Variants in SNX24 observed in about 807,000 individuals in gnomAD.
SNX24 encodes the protein sorting nexin-24.
SNX24 carries 22 observed loss-of-function variants against 28.7 expected under a neutral mutation model. That is an observed-to-expected ratio of 0.77 (90% CI 0.55 to 1.10). The LOEUF (loss-of-function observed/expected upper bound fraction) is 1.10. Ranked by LOEUF, SNX24 falls within the 50% of genes least tolerant of loss-of-function variation. The pLI, the probability that SNX24 is intolerant of heterozygous loss-of-function variation, is 0.00. For synonymous variants in SNX24, 69 were observed against 71.5 expected (o/e 0.96, Z 0.18); for missense variants, 221 against 201.1 (o/e 1.10, Z -0.60).
chr5:122,988,859 T>C (rs1323765538), intron 3 of SNX24, among the ~76,000 whole-genome samples: 1 of 152,184 alleles, frequency 6.6e-6, no homozygotes, highest in Non-Finnish European at 1.5e-5. Flanking sequence ...CCTTTTCTTT[T>C]TATAGACTGT....
At chr5:122,917,273 A>G (rs959259239) in intron 1 of SNX24, among the ~76,000 whole-genome samples, 1 of 151,592 alleles carries the variant, frequency 6.6e-6, no homozygotes. Context: ...AAAAAAAAGA[A>G]AGAAAAAAAA....
chr5:123,014,131 C>T (rs541063542), downstream of SNX24, among the ~76,000 whole-genome samples: 2 of 152,110 alleles, frequency 1.3e-5, no homozygotes, highest in East Asian at 1.9e-4. Flanking sequence ...AAAGCTTGGG[C>T]GAATCCAGTC....
rs371112200 is a variant in SNX24, at chr5:123,000,541, G to C, written c.344+535G>C. Among the ~76,000 whole-genome samples the C allele has an allele frequency of 7.1e-3, 1,081 of 152,276 alleles. 16 individuals are homozygous for C. Among genetic ancestry groups the C allele is most frequent in the African/African-American group, 0.024 (1,012 of 41,560 alleles). ...GCAAGCCCTCTTCCTCTACTGTCCA[G>C]CTGCCTCTCTCAGGAACTTCCAGTG... On this transcript the variant is annotated intron_variant, in intron 4 of 6. Transcript: ENST00000261369.
chr5:122,845,756 A>G, intron 1 of SNX24, 63 bp downstream of exon 1: 2 of 1,070,710 alleles, frequency 1.9e-6, no homozygotes, highest in South Asian at 3.5e-5. Flanking sequence ...TGCGCCCAGG[A>G]AACACCCTTG....
chr5:122,863,260 A>AG (rs1001014826), intron 1 of SNX24, among the ~76,000 whole-genome samples: 3 of 152,080 alleles, frequency 2.0e-5, no homozygotes, highest in African/African-American at 7.2e-5. Context: ...GAAGGAGGTG[A>AG]GGGGGTGAGT....
chr5:122,901,764 T>C (rs1469765172), intron 1 of SNX24, among the ~76,000 whole-genome samples: 3 of 152,162 alleles, frequency 2.0e-5, no homozygotes, highest in Non-Finnish European at 2.9e-5. Flanking sequence ...CATGGGGTAA[T>C]ACCAGAGATG....
chr5:123,010,188 CA>C (rs1762544039), downstream of SNX24, among the ~76,000 whole-genome samples: 2 of 152,210 alleles, frequency 1.3e-5, no homozygotes, highest in African/African-American at 4.8e-5. Context: ...CTTCAACGCA[CA>C]TCCAGTTTGT....
chr5:122,880,308 T>G (rs1485924475), intron 1 of SNX24, among the ~76,000 whole-genome samples: 1 of 152,202 alleles, frequency 6.6e-6, no homozygotes, highest in Non-Finnish European at 1.5e-5. Context: ...ATCCCACATT[T>G]GAAAAACTTT....
intron 5 of SNX24, among the ~76,000 whole-genome samples, chr5:123,021,997 C>T (rs1762768977): frequency 6.6e-6 from 1 of 152,168 alleles, no homozygotes. Context: ...AGGCCTTCCA[C>T]TCCGACGATG....
In SNX24 at chr5:122,988,571, C is replaced by T. The variant is rs563066276; in HGVS notation, c.250-11341C>T. Among the ~76,000 whole-genome samples the T allele has an allele frequency of 6.6e-5, 10 of 151,830 alleles. No homozygotes were observed. The East Asian group carries it at 1.9e-3, about 29-fold the overall frequency. On this transcript the variant is annotated intron_variant, in intron 3 of 6. Transcript: ENST00000261369. The stretch of plus-strand genomic sequence containing the variant: ...TTAAAGTAGAATTGTATTTTTTTTC[C>T]ACCAGCCAATGCTAAATTATTCCCT...
chr5:122,885,138 G>A (rs1756650077), intron 1 of SNX24, among the ~76,000 whole-genome samples: 2 of 152,152 alleles, frequency 1.3e-5, no homozygotes, highest in African/African-American at 4.8e-5. Flanking sequence ...TGTGAGAATG[G>A]AAGGAAGAAA....
chr5:122,936,723 T>G lies in SNX24; in HGVS notation c.61-11T>G, dbSNP rs1339705335. On this transcript the variant is annotated splice_polypyrimidine_tract_variant and intron_variant, in intron 1 of 6. Coordinates refer to ENST00000261369, the MANE Select transcript of SNX24 (RefSeq NM_014035.4). ...AACTAATATAATTAATCTTTTAAAT[T>G]TTTTCCTCAGGTGTTTAAGATAGAA... The G allele has an allele frequency of 7.3e-6, 11 of 1,501,580 alleles. No individual in the cohort carries two copies. The highest frequency in any genetic ancestry group is 2.3e-5 in the East Asian group (1 of 44,180). The allele number at this position is 1,501,580 out of a possible 1,614,324, so 93.0% of individuals were successfully genotyped here.
At chr5:122,860,196 T>C (rs1209063921) in intron 1 of SNX24, among the ~76,000 whole-genome samples, 3 of 152,226 alleles carry the variant, frequency 2.0e-5, no homozygotes, top group Non-Finnish European at 2.9e-5. Flanking sequence ...AATATTTTGA[T>C]GTTCTTCTTT....
At chr5:122,861,603 C>A (rs946610436) in intron 1 of SNX24, among the ~76,000 whole-genome samples, 10 of 152,022 alleles carry the variant, frequency 6.6e-5, no homozygotes, top group Non-Finnish European at 1.2e-4. Flanking sequence ...GAAAACCTTC[C>A]ACAAAGCTAA....
At chr5:122,851,121 G>T (rs1754898616) in intron 1 of SNX24, among the ~76,000 whole-genome samples, 1 of 152,120 alleles carries the variant, frequency 6.6e-6, no homozygotes, top group African/African-American at 2.4e-5. Context: ...TACTACTTAG[G>T]TCACAATACA....
intron 1 of SNX24, among the ~76,000 whole-genome samples, chr5:122,884,776 G>A (rs915586623): frequency 1.8e-4 from 27 of 152,188 alleles, no homozygotes; most frequent in African/African-American, 3.9e-4. Flanking sequence ...TGTGGTTGCC[G>A]AGAGTGGAGA....
At chr5:122,964,100 G>A (rs1760607496) in intron 3 of SNX24, among the ~76,000 whole-genome samples, 1 of 151,682 alleles carries the variant, frequency 6.6e-6, no homozygotes, top group African/African-American at 2.4e-5. Flanking sequence ...AAAATTAGCT[G>A]GGCGTGGTGG....
chr5:122,941,159 G>A (rs1192832572), intron 2 of SNX24, among the ~76,000 whole-genome samples: 1 of 152,056 alleles, frequency 6.6e-6, no homozygotes, highest in Non-Finnish European at 1.5e-5. Context: ...ATAACACTGA[G>A]CCCACACAGA....
intron 1 of SNX24, among the ~76,000 whole-genome samples, chr5:122,920,032 G>A (rs1259731685): frequency 6.6e-6 from 1 of 152,206 alleles, no homozygotes; most frequent in Non-Finnish European, 1.5e-5. Flanking sequence ...GATAGTTTAT[G>A]TGTCTCTCCA....
Sources: gnomAD v4.1 joint callset for allele counts (sites outside exome capture counted in the v4.1 genomes callset) on GRCh38, gnomAD v4.1.1 for gene constraint, MANE v1.5 for transcripts, NCBI Gene and HGNC (gene_info 2026-07-23, HGNC 2026-07-21) for gene names.